The following GPATCH2 variants were observed in gnomAD, a reference collection of about 807,000 sequenced individuals.
GPATCH2 encodes G patch domain-containing protein 2.
GPATCH2 carries 51 observed loss-of-function variants against 58.0 expected under a neutral mutation model. The observed-to-expected ratio is 0.88, with a 90% CI of 0.70 to 1.11. The LOEUF (loss-of-function observed/expected upper bound fraction) is 1.11. Among genes scored for constraint, GPATCH2 ranks in the 50% most tolerant of loss-of-function variants. The probability of loss-of-function intolerance (pLI) is 0.00; values close to 1 mark genes in which losing one functional copy is unlikely to be tolerated. For missense variants in GPATCH2, 625 were observed against 652.2 expected, an observed-to-expected ratio of 0.96 and a Z score of 0.45; for synonymous variants, 222 against 218.5, an observed-to-expected ratio of 1.02 and a Z score of -0.14.
intron 5 of GPATCH2, among the ~76,000 whole-genome samples, chr1:217,518,509 A>G (rs189882688): frequency 3.9e-5 from 6 of 152,284 alleles, no homozygotes; most frequent in Admixed American, 3.9e-4. Flanking sequence ...TTTTCATTTA[A>G]TTGTGTCATT....
intron 5 of GPATCH2, among the ~76,000 whole-genome samples, chr1:217,547,187 C>G (rs1665098791): frequency 6.6e-6 from 1 of 152,034 alleles, no homozygotes; most frequent in Admixed American, 6.6e-5. Context: ...CATAGTGAAA[C>G]CCTGTCTCTA....
chr1:217,556,257 G>T (rs1665609340), intron 5 of GPATCH2, among the ~76,000 whole-genome samples: 1 of 152,030 alleles, frequency 6.6e-6, no homozygotes, highest in African/African-American at 2.4e-5. Flanking sequence ...CCCAACCCAG[G>T]AACTAGAATG....
At chr1:217,584,578 G>T (rs1667251825) in intron 5 of GPATCH2, among the ~76,000 whole-genome samples, 1 of 151,720 alleles carries the variant, frequency 6.6e-6, no homozygotes, top group South Asian at 2.1e-4. Context: ...GTATTATTTA[G>T]AAGAGGTTTA....
At chr1:217,454,225 G>T (rs1335382044) in intron 8 of GPATCH2, among the ~76,000 whole-genome samples, 2 of 151,974 alleles carry the variant, frequency 1.3e-5, no homozygotes, top group Admixed American at 1.3e-4. Context: ...GTACCCAAAC[G>T]CACAATACAA....
chr1:217,465,970 T>C (rs1660430123), intron 8 of GPATCH2, among the ~76,000 whole-genome samples: 1 of 152,158 alleles, frequency 6.6e-6, no homozygotes, highest in Admixed American at 6.5e-5. Flanking sequence ...ATATCAGATA[T>C]AGAAAGCAAC....
At chr1:217,601,961 G>T (rs182202464) in intron 5 of GPATCH2, among the ~76,000 whole-genome samples, 8 of 152,122 alleles carry the variant, frequency 5.3e-5, no homozygotes, top group African/African-American at 1.9e-4. Flanking sequence ...TTTGTTAAAC[G>T]AGTGGATGTC....
chr1:217,462,891 C>T (rs1393287259), intron 8 of GPATCH2, among the ~76,000 whole-genome samples: 4 of 152,098 alleles, frequency 2.6e-5, no homozygotes, highest in Non-Finnish European at 5.9e-5. Context: ...TTGGGTGAAC[C>T]TGGGCAAGTT....
intron 5 of GPATCH2, among the ~76,000 whole-genome samples, chr1:217,578,463 G>A (rs572377372): frequency 6.6e-6 from 1 of 152,098 alleles, no homozygotes; most frequent in Non-Finnish European, 1.5e-5. Context: ...TGATGCCCAG[G>A]GTGGTCCTGA....
At chr1:217,526,740 C>T (rs1019861075) in intron 5 of GPATCH2, among the ~76,000 whole-genome samples, 1 of 152,158 alleles carries the variant, frequency 6.6e-6, no homozygotes, top group Non-Finnish European at 1.5e-5. Flanking sequence ...TAGCAGGGAA[C>T]CCCAACCACA....
intron 8 of GPATCH2, among the ~76,000 whole-genome samples, chr1:217,460,304 C>T (rs944835030): frequency 6.6e-6 from 1 of 152,178 alleles, no homozygotes; most frequent in African/African-American, 2.4e-5. Flanking sequence ...CATCATCCAA[C>T]GTACTTTATT....
chr1:217,472,492 C>T (rs1347022389), intron 8 of GPATCH2, among the ~76,000 whole-genome samples: 23 of 151,822 alleles, frequency 1.5e-4, no homozygotes, highest in African/African-American at 2.4e-4. Context: ...TTAATAGAGA[C>T]GGGGTTTCAC....
At chr1:217,565,634 G>A (rs575405440) in intron 5 of GPATCH2, among the ~76,000 whole-genome samples, 43 of 152,254 alleles carry the variant, frequency 2.8e-4, no homozygotes, top group African/African-American at 9.9e-4. Flanking sequence ...TGATGTGTGA[G>A]GTTTCTTTTT....
intron 5 of GPATCH2, among the ~76,000 whole-genome samples, chr1:217,537,266 C>A (rs1429147698): frequency 6.6e-6 from 1 of 152,108 alleles, no homozygotes; most frequent in Non-Finnish European, 1.5e-5. Flanking sequence ...AAGCACATGT[C>A]TACCCTGCTA....
chr1:217,624,082 T>A (rs1264960820), intron 1 of GPATCH2, among the ~76,000 whole-genome samples: 1 of 152,190 alleles, frequency 6.6e-6, no homozygotes, highest in Non-Finnish European at 1.5e-5. Context: ...CAAGTCCTAC[T>A]CAGAGTTCAA....
At chr1:217,513,366 C>T (rs1662949917) in intron 6 of GPATCH2, among the ~76,000 whole-genome samples, 1 of 151,986 alleles carries the variant, frequency 6.6e-6, no homozygotes, top group Admixed American at 6.6e-5. Flanking sequence ...AATGCATAGG[C>T]CACTATAAGA....
chr1:217,602,112 A>T (rs1668137945), intron 5 of GPATCH2, among the ~76,000 whole-genome samples: 1 of 152,156 alleles, frequency 6.6e-6, no homozygotes, highest in South Asian at 2.1e-4. Flanking sequence ...TGTACTCTCT[A>T]TACTGCTGCC....
At chr1:217,566,429 C>T (rs889238988) in intron 5 of GPATCH2, among the ~76,000 whole-genome samples, 5 of 152,120 alleles carry the variant, frequency 3.3e-5, no homozygotes, top group Non-Finnish European at 7.4e-5. Flanking sequence ...ATATGTATCA[C>T]TATTACAGAT....
chr1:217,577,017 C>T (rs966891398), intron 5 of GPATCH2, among the ~76,000 whole-genome samples: 3 of 152,008 alleles, frequency 2.0e-5, no homozygotes, highest in African/African-American at 7.2e-5. Context: ...AATATCATGC[C>T]TGAAAAAATA....
At chr1:217,489,904 A>T (rs1038947413) in intron 8 of GPATCH2, among the ~76,000 whole-genome samples, 5 of 152,120 alleles carry the variant, frequency 3.3e-5, no homozygotes, top group South Asian at 2.1e-4. Flanking sequence ...AATTAAAGAA[A>T]TTTTTTTTAA....
Sources: allele counts gnomAD v4.1 joint callset (sites outside exome capture counted in the v4.1 genomes callset), GRCh38; gene constraint gnomAD v4.1.1; transcripts MANE v1.5; gene names NCBI Gene and HGNC (gene_info 2026-07-23, HGNC 2026-07-21).